The following NOS1AP variants were observed in gnomAD, a reference collection of about 807,000 sequenced individuals.
NOS1AP encodes the protein carboxyl-terminal PDZ ligand of neuronal nitric oxide synthase protein.
In NOS1AP, 21 loss-of-function variants were observed where a neutral mutation model predicts 56.2. The observed-to-expected ratio is 0.37, with a 90% CI of 0.26 to 0.54. The LOEUF (loss-of-function observed/expected upper bound fraction) is 0.54, where lower values mean the gene tolerates loss of function less well. NOS1AP is among the 20% of genes least tolerant of loss of function. The probability of loss-of-function intolerance (pLI) is 0.84; values close to 1 mark genes in which losing one functional copy is unlikely to be tolerated. For synonymous variants in NOS1AP, 270 were observed against 274.6 expected (o/e 0.98, Z 0.17); for missense variants, 522 against 657.8 (o/e 0.79, Z 2.26).
chr1:162,083,451 G>A (rs114914210), intron 1 of NOS1AP, among the ~76,000 whole-genome samples: 8 of 152,104 alleles, frequency 5.3e-5, no homozygotes, highest in African/African-American at 1.9e-4. Flanking sequence ...ATATTGCCCA[G>A]TCTGGTCTCA....
intron 4 of NOS1AP, chr1:162,316,981 C>A: frequency 6.2e-6 from 1 of 161,900 alleles, no homozygotes; most frequent in Admixed American, 6.4e-5. Flanking sequence ...TCTCTTGTCT[C>A]ATTTGTTGCA....
chr1:162,323,885 G>C (rs1656494949), intron 4 of NOS1AP, among the ~76,000 whole-genome samples: 1 of 152,168 alleles, frequency 6.6e-6, no homozygotes, highest in Non-Finnish European at 1.5e-5. Flanking sequence ...TGTATACTGG[G>C]GAGTGGACAA....
At chr1:162,348,975 C>T (rs1397631156) in intron 6 of NOS1AP, among the ~76,000 whole-genome samples, 3 of 152,290 alleles carry the variant, frequency 2.0e-5, no homozygotes, top group South Asian at 2.1e-4. Flanking sequence ...CACCTGAGGT[C>T]GGGAGTTCAA....
intron 2 of NOS1AP, among the ~76,000 whole-genome samples, chr1:162,204,895 G>A (rs906784948): frequency 6.6e-6 from 1 of 152,090 alleles, no homozygotes; most frequent in East Asian, 1.9e-4. Flanking sequence ...TTGTTTATAG[G>A]GGTAGGACTA....
chr1:162,203,194 G>T (rs1397528870), intron 2 of NOS1AP, among the ~76,000 whole-genome samples: 1 of 152,154 alleles, frequency 6.6e-6, no homozygotes, highest in Non-Finnish European at 1.5e-5. Context: ...CTTATTAGAT[G>T]AAGGAGGTAG....
intron 3 of NOS1AP, among the ~76,000 whole-genome samples, chr1:162,288,570 G>GT (rs980170809): frequency 5.3e-5 from 8 of 152,348 alleles, no homozygotes; most frequent in African/African-American, 1.9e-4. Context: ...ATTGTCCAGT[G>GT]TATGATTGGA....
intron 1 of NOS1AP, among the ~76,000 whole-genome samples, chr1:162,135,264 G>T (rs186918892): frequency 6.6e-6 from 1 of 152,270 alleles, no homozygotes; most frequent in Non-Finnish European, 1.5e-5. Context: ...CAGAGGTATT[G>T]GTTGCCGGCT....
rs529366627 is a variant in NOS1AP at position 162,367,818 on chromosome 1, G to A, written c.*351G>A. ...ATCGTCAGGCTCCCACGCTTTGTCC[G>A]TGATGCCCCCCTACCCCCTCACTCT... On this transcript the variant is annotated 3_prime_UTR_variant, in exon 10 of 10. Coordinates refer to ENST00000361897, the MANE Select transcript of NOS1AP (RefSeq NM_014697.3). This position sits in a 1 kb window ranked among gnomAD's most constrained non-coding sequence, Gnocchi z 6.5. The A allele has an allele frequency of 1.1e-4, 30 of 262,708 alleles. No homozygotes were observed. Among genetic ancestry groups the A allele is most frequent in the South Asian group, 2.3e-4 (3 of 12,838 alleles). The allele number at this position is 262,708 out of a possible 1,614,324, so 16.3% of individuals were successfully genotyped here. A position where few individuals can be genotyped will look rare whatever the true frequency, so the allele number is the denominator to read the frequency against.
chr1:162,070,519 C>A (rs908704075), intron 1 of NOS1AP, among the ~76,000 whole-genome samples: 1 of 152,226 alleles, frequency 6.6e-6, no homozygotes, highest in African/African-American at 2.4e-5. Flanking sequence ...CCCTTCCCAC[C>A]TGCAGACTCC....
At chr1:162,345,812 G>C (rs1657275734) in intron 6 of NOS1AP, among the ~76,000 whole-genome samples, 1 of 152,182 alleles carries the variant, frequency 6.6e-6, no homozygotes, top group Non-Finnish European at 1.5e-5. Context: ...GTCGTAATTA[G>C]ATAAACTGAT....
intron 2 of NOS1AP, among the ~76,000 whole-genome samples, chr1:162,169,430 T>C (rs1345512208): frequency 6.6e-6 from 1 of 152,230 alleles, no homozygotes; most frequent in Non-Finnish European, 1.5e-5. Context: ...GAATTGTTTA[T>C]TGAAAGAGAT....
intron 1 of NOS1AP, among the ~76,000 whole-genome samples, chr1:162,092,576 G>A (rs1184741050): frequency 6.6e-6 from 1 of 152,160 alleles, no homozygotes; most frequent in African/African-American, 2.4e-5. Flanking sequence ...TCTCTCAGTG[G>A]TCTTTTTGTT....
intron 1 of NOS1AP, among the ~76,000 whole-genome samples, chr1:162,141,260 A>T (rs1467027555): frequency 6.6e-6 from 1 of 152,030 alleles, no homozygotes. Context: ...GAGGTTGACC[A>T]GATGGCTCAA....
chr1:162,120,896 C>T (rs1332354735), intron 1 of NOS1AP, among the ~76,000 whole-genome samples: 1 of 151,820 alleles, frequency 6.6e-6, no homozygotes, highest in Non-Finnish European at 1.5e-5. Flanking sequence ...GCCTCTGCTC[C>T]CTAAACCCAG....
intron 2 of NOS1AP, among the ~76,000 whole-genome samples, chr1:162,205,709 ATTGTAGCTG>A (rs1446334908): frequency 6.6e-6 from 1 of 152,158 alleles, no homozygotes; most frequent in Non-Finnish European, 1.5e-5. Flanking sequence ...CAGTTTGGGA[ATTGTAGCTG>A]TCTTGCTGTA....
intron 2 of NOS1AP, among the ~76,000 whole-genome samples, chr1:162,181,558 A>G (rs1651263638): frequency 6.6e-6 from 1 of 152,120 alleles, no homozygotes; most frequent in Admixed American, 6.5e-5. Flanking sequence ...TTTTTTCACT[A>G]TTGTGAAGTT....
intron 2 of NOS1AP, among the ~76,000 whole-genome samples, chr1:162,160,225 A>G (rs950853769): frequency 6.6e-6 from 1 of 152,222 alleles, no homozygotes; most frequent in African/African-American, 2.4e-5. Flanking sequence ...AGAGTTTCCT[A>G]TTTAACAGTG....
rs1264877943 is a variant in NOS1AP at position 162,367,276 on chromosome 1, C to G, written c.1330C>G (p.Gln444Glu). 1 of 1,613,650 alleles carries G rather than the reference C, an allele frequency of 6.2e-7. No individual in the cohort carries two copies. Among genetic ancestry groups the G allele is most frequent in the South Asian group, 1.1e-5 (1 of 91,082 alleles). ...GCCCGAGGACACCCCGCCCCCAGCG[C>G]AGGGCGAGGCGCTCCTGGGCGGTCT... The part of the protein sequence containing the change: ...LPPEDTPPPA[Q>E]GEALLGGLEL... The change falls in exon 10 of 10, where the codon CAG (glutamine) becomes GAG (glutamate). Residue 444 changes from glutamine (Q) to glutamate (E), a missense_variant. Physicochemically the swap from Gln to Glu is conservative, Grantham distance 29. Transcript: ENST00000361897. The surrounding 1 kb of genome is among the most constrained non-coding windows in gnomAD (Gnocchi z 6.5).
intron 1 of NOS1AP, among the ~76,000 whole-genome samples, chr1:162,117,671 G>A (rs1372367661): frequency 6.6e-6 from 1 of 152,184 alleles, no homozygotes; most frequent in Admixed American, 6.5e-5. Context: ...AAAAAGGGGG[G>A]CTGGTGCTCT....
Sources: allele counts gnomAD v4.1 joint callset (sites outside exome capture counted in the v4.1 genomes callset), GRCh38; gene constraint gnomAD v4.1.1; non-coding constraint Gnocchi (gnomAD v3.1); transcripts MANE v1.5; gene names NCBI Gene and HGNC (gene_info 2026-07-23, HGNC 2026-07-21).